The following EPB41L3 variants were observed in gnomAD, a reference collection of about 807,000 sequenced individuals.
The protein encoded by EPB41L3 is erythrocyte membrane protein band 4.1 like 3, also known as band 4.1-like protein 3.
EPB41L3 carries 57 observed loss-of-function variants against 127.1 expected under a neutral mutation model. That is an observed-to-expected ratio of 0.45 (90% CI 0.36 to 0.56). The LOEUF is 0.56. EPB41L3 is among the 20% of genes least tolerant of loss of function. EPB41L3 has a pLI of 0.00. For missense variants in EPB41L3, 1,273 were observed against 1,372.2 expected (o/e 0.93, Z 1.14); for synonymous variants, 572 against 549.5 (o/e 1.04, Z -0.57).
At chr18:5,529,242 A>G (rs1412739767) in intron 1 of EPB41L3, among the ~76,000 whole-genome samples, 3 of 152,172 alleles carry the variant, frequency 2.0e-5, no homozygotes, top group South Asian at 2.1e-4. Flanking sequence ...GGAGGTAAAC[A>G]TTTCCAACAA....
At chr18:5,522,606 C>CA (rs1349954179) in intron 1 of EPB41L3, among the ~76,000 whole-genome samples, 2 of 152,070 alleles carry the variant, frequency 1.3e-5, no homozygotes, top group Non-Finnish European at 2.9e-5. Context: ...CAAATACAGG[C>CA]ATTAGTCTTC....
At chr18:5,614,775 AG>A (rs2094773298) in intron 1 of EPB41L3, among the ~76,000 whole-genome samples, 1 of 152,242 alleles carries the variant, frequency 6.6e-6, no homozygotes, top group Admixed American at 6.5e-5. Context: ...TTGTAACTTT[AG>A]TGTCAGCAAG....
chr18:5,512,881 C>T (rs2092594595), intron 1 of EPB41L3, among the ~76,000 whole-genome samples: 2 of 152,132 alleles, frequency 1.3e-5, no homozygotes, highest in Non-Finnish European at 1.5e-5. Context: ...TTCCCTACTT[C>T]CCAACAGCCT....
chr18:5,481,384 C>T (rs972809257), intron 2 of EPB41L3, among the ~76,000 whole-genome samples: 1 of 152,138 alleles, frequency 6.6e-6, no homozygotes, highest in African/African-American at 2.4e-5. Flanking sequence ...AAGAATTGGA[C>T]TTCCATAGTC....
intron 8 of EPB41L3, 94 bp from the exon 9 acceptor site, chr18:5,428,559 A>G: frequency 6.9e-7 from 1 of 1,448,874 alleles, no homozygotes; most frequent in South Asian, 1.2e-5. Flanking sequence ...CAGAAACTAT[A>G]AATGGCTGGT....
At chr18:5,562,993 T>A (rs2094153305) in intron 3 of EPB41L3, among the ~76,000 whole-genome samples, 2 of 152,228 alleles carry the variant, frequency 1.3e-5, no homozygotes, top group Non-Finnish European at 1.5e-5. Flanking sequence ...CATGAACCAA[T>A]CCTTTCTTTT....
At chr18:5,625,102 AAC>A (rs1169210331) in intron 1 of EPB41L3, among the ~76,000 whole-genome samples, 1 of 152,080 alleles carries the variant, frequency 6.6e-6, no homozygotes, top group African/African-American at 2.4e-5. Context: ...CAGGAGAGCA[AAC>A]ACAGGGCTTT....
chr18:5,401,980 T>G (rs1165313819), intron 16 of EPB41L3, among the ~76,000 whole-genome samples: 1 of 152,142 alleles, frequency 6.6e-6, no homozygotes, highest in Non-Finnish European at 1.5e-5. Flanking sequence ...ACAAACAATG[T>G]AATTTTATGA....
chr18:5,430,672 T>G (rs1006407556), intron 8 of EPB41L3, among the ~76,000 whole-genome samples: 1 of 148,878 alleles, frequency 6.7e-6, no homozygotes, highest in Non-Finnish European at 1.5e-5. Flanking sequence ...CAAGCAACCC[T>G]CCTCCCTCAG....
chr18:5,492,726 T>C (rs4798370), intron 1 of EPB41L3, among the ~76,000 whole-genome samples: 12,627 of 152,262 alleles, frequency 0.083, 661 homozygotes, highest in Admixed American at 0.12. Context: ...TAAATTTACC[T>C]TAAAATTGTG....
chr18:5,533,697 T>A (rs1000813874), intron 1 of EPB41L3, among the ~76,000 whole-genome samples: 2 of 152,218 alleles, frequency 1.3e-5, no homozygotes, highest in Admixed American at 6.5e-5. Context: ...ACTGAAGACA[T>A]ATTAAGAGCT....
At chr18:5,492,614 T>C (rs978435206) in intron 1 of EPB41L3, among the ~76,000 whole-genome samples, 2 of 152,160 alleles carry the variant, frequency 1.3e-5, no homozygotes, top group African/African-American at 2.4e-5. Context: ...TGCCAATTAT[T>C]TGGGTTACTG....
At chr18:5,418,119 C>G (rs1443394163) in intron 12 of EPB41L3, among the ~76,000 whole-genome samples, 1 of 152,200 alleles carries the variant, frequency 6.6e-6, no homozygotes, top group African/African-American at 2.4e-5. Context: ...TAGAAGACAG[C>G]TTTGCACTGG....
Position 5,397,634 on chromosome 18 carries a change from C to T in EPB41L3, c.2473-208G>A, listed in dbSNP as rs1056780119. 4.6e-5 allele frequency among the ~76,000 whole-genome samples: 7 copies of T among 152,138 alleles called. No homozygotes were observed. The highest frequency in any genetic ancestry group is 1.7e-4 in the African/African-American group (7 of 41,432). On this transcript the variant is annotated intron_variant, in intron 17 of 22. Coordinates refer to ENST00000341928, the MANE Select transcript of EPB41L3 (RefSeq NM_012307.5). This position sits in a 1 kb window ranked among gnomAD's most constrained non-coding sequence, Gnocchi z 4.1. ...CCCCTGGTGCATGCACTTGAACCTG[C>T]GCTGCTGCTTCAGGACATCCGCAAA...
chr18:5,588,262 T>C (rs1270434149), intron 3 of EPB41L3, among the ~76,000 whole-genome samples: 1 of 152,114 alleles, frequency 6.6e-6, no homozygotes, highest in Non-Finnish European at 1.5e-5. Context: ...TTAGAACCAG[T>C]ATCCTGAAGA....
chr18:5,445,635 G>GA (rs2081361380), intron 3 of EPB41L3, among the ~76,000 whole-genome samples: 2 of 152,204 alleles, frequency 1.3e-5, no homozygotes, highest in South Asian at 2.1e-4. Flanking sequence ...AAGCCATAAT[G>GA]CAGAGTGCCC....
At chr18:5,518,341 C>G (rs1488533680) in intron 1 of EPB41L3, among the ~76,000 whole-genome samples, 1 of 152,100 alleles carries the variant, frequency 6.6e-6, no homozygotes. Flanking sequence ...ACCTCCCACC[C>G]CGTGTACTCC....
chr18:5,419,974 A>C, intron 11 of EPB41L3, 97 bp from the exon 12 acceptor site: 1 of 1,597,866 alleles, frequency 6.3e-7, no homozygotes, highest in Middle Eastern at 1.7e-4. Flanking sequence ...CAAAATAGTT[A>C]GGTCAGAAGA....
At chr18:5,547,906 TAGAG>T (rs1317158690), upstream of EPB41L3, among the ~76,000 whole-genome samples, 3 of 152,178 alleles carry the variant, frequency 2.0e-5, no homozygotes, top group African/African-American at 4.8e-5. Flanking sequence ...AAAGAAATAA[TAGAG>T]AATCAGTCTG....
Sources: gnomAD v4.1 joint callset for allele counts (sites outside exome capture counted in the v4.1 genomes callset) on GRCh38, gnomAD v4.1.1 for gene constraint, Gnocchi (gnomAD v3.1) non-coding constraint, MANE v1.5 for transcripts, NCBI Gene and HGNC (gene_info 2026-07-23, HGNC 2026-07-21) for gene names.